DNAH6: variants seen among roughly 807,000 people sequenced by gnomAD.
The protein encoded by DNAH6 is dynein axonemal heavy chain 6, also known as axonemal beta dynein heavy chain 6.
A neutral mutation model predicts 491.4 loss-of-function variants in DNAH6; 340 were observed. The ratio of observed to expected loss-of-function variants is 0.69; its 90% CI spans 0.63 to 0.76. The LOEUF is 0.76. Among genes scored for constraint, DNAH6 ranks in the 30% least tolerant of loss-of-function variants. DNAH6 has a pLI of 0.00. For missense variants in DNAH6, 4,443 were observed against 4,972.2 expected (o/e 0.89, Z 3.20); for synonymous variants, 1,603 against 1,686.1 (o/e 0.95, Z 1.21).
intron 62 of DNAH6, among the ~76,000 whole-genome samples, chr2:84,739,281 A>G (rs537410671): frequency 6.6e-6 from 1 of 152,170 alleles, no homozygotes; most frequent in East Asian, 1.9e-4. Flanking sequence ...TTTCACGTGG[A>G]CTTGGGTTAG....
At chr2:84,602,450 T>A (rs1308607008) in intron 18 of DNAH6, among the ~76,000 whole-genome samples, 1 of 151,306 alleles carries the variant, frequency 6.6e-6, no homozygotes, top group Non-Finnish European at 1.5e-5. Context: ...GCTGTAGTTT[T>A]AAATTCTCAT....
chr2:84,561,368 A>C (rs1680653174), intron 11 of DNAH6, among the ~76,000 whole-genome samples: 1 of 152,174 alleles, frequency 6.6e-6, no homozygotes. Context: ...CCTTCCTTAC[A>C]CCTTATACAA....
At chr2:84,525,868 A>C in intron 3 of DNAH6, 130 bp downstream of exon 3, 1 of 696,446 alleles carries the variant, frequency 1.4e-6, no homozygotes, top group Non-Finnish European at 2.3e-6. Flanking sequence ...GAGTTTGGGA[A>C]ATATAACATT....
intron 59 of DNAH6, among the ~76,000 whole-genome samples, chr2:84,721,061 G>A (rs1047761024): frequency 6.6e-6 from 1 of 152,096 alleles, no homozygotes; most frequent in African/African-American, 2.4e-5. Flanking sequence ...AAGCCTGTAG[G>A]GCATAATGTC....
intron 31 of DNAH6, among the ~76,000 whole-genome samples, chr2:84,638,153 T>A (rs1404737344): frequency 1.3e-5 from 2 of 152,092 alleles, no homozygotes; most frequent in African/African-American, 4.8e-5. Context: ...AATAGTTTTT[T>A]AAAAAGAATT....
chr2:84,716,180 C>T (rs1697520617), intron 58 of DNAH6, among the ~76,000 whole-genome samples: 1 of 149,178 alleles, frequency 6.7e-6, no homozygotes, highest in African/African-American at 2.5e-5. Flanking sequence ...TATATGTATG[C>T]CCTTTCTTAG....
chr2:84,553,626 C>CTTTTT (rs1171839363), intron 10 of DNAH6, among the ~76,000 whole-genome samples: 2 of 42,328 alleles, frequency 4.7e-5, no homozygotes, highest in East Asian at 1.1e-3. Flanking sequence ...CCAGGACTGG[C>CTTTTT]TATTTTTTTT....
chr2:84,785,141 A>G (rs910097780), intron 66 of DNAH6, among the ~76,000 whole-genome samples: 2 of 152,204 alleles, frequency 1.3e-5, no homozygotes, highest in Admixed American at 6.5e-5. Flanking sequence ...TACAAGCCAT[A>G]CTAGTATGGC....
chr2:84,558,016 T>C, intron 11 of DNAH6, 81 bp downstream of exon 11: 1 of 940,552 alleles, frequency 1.1e-6, no homozygotes, highest in South Asian at 2.2e-5. Context: ...TTCTTTCTTA[T>C]CTTTAAATGT....
chr2:84,587,980 T>C (rs1683735054), intron 15 of DNAH6, among the ~76,000 whole-genome samples: 1 of 152,218 alleles, frequency 6.6e-6, no homozygotes, highest in Admixed American at 6.5e-5. Context: ...ATTTCTTCCA[T>C]AGCCTACAAT....
At chr2:84,459,606 G>A in the DNAH6 span, 1 of 273,344 alleles carries the variant, frequency 3.7e-6, no homozygotes, top group Non-Finnish European at 7.2e-6. Flanking sequence ...AAGGGAGCGA[G>A]GGAAGAGCGG....
At chr2:84,479,661 G>T in the DNAH6 span, among the ~76,000 whole-genome samples, 3 of 152,170 alleles carry the variant, frequency 2.0e-5, no homozygotes, top group African/African-American at 7.2e-5. Flanking sequence ...TAGTGGGAAG[G>T]GAACCATAAA....
chr2:84,805,647 C>T lies in DNAH6; in HGVS notation c.11482-18C>T, dbSNP rs564830777. 1.3e-6 allele frequency: 2 copies of T among 1,537,940 alleles called. No homozygotes were observed. The highest frequency in any genetic ancestry group is 1.2e-5 in the South Asian group (1 of 80,404). On this transcript the variant is annotated intron_variant, in intron 70 of 76. Coordinates refer to ENST00000389394, the MANE Select transcript of DNAH6 (RefSeq NM_001370.2). ...AGAATTTGAGTCTTCACTGTTCTGT[C>T]TCTTATTGCCATTACAGTACAAAGA...
At chr2:84,511,538 C>T (rs1311948162), upstream of DNAH6, among the ~76,000 whole-genome samples, 1 of 152,274 alleles carries the variant, frequency 6.6e-6, no homozygotes, top group East Asian at 1.9e-4. Flanking sequence ...GGCGATGCCT[C>T]GCCCTGCTTC....
At chr2:84,513,160 T>A (rs1231321569), upstream of DNAH6, among the ~76,000 whole-genome samples, 2 of 152,158 alleles carry the variant, frequency 1.3e-5, no homozygotes, top group African/African-American at 2.4e-5. Context: ...ACAATTAACA[T>A]CTTAATTTAT....
At chr2:84,669,856 G>A (rs1692546868) in intron 38 of DNAH6, among the ~76,000 whole-genome samples, 1 of 152,310 alleles carries the variant, frequency 6.6e-6, no homozygotes, top group South Asian at 2.1e-4. Flanking sequence ...AGTTGATAGA[G>A]ATCAGCTCAT....
chr2:84,817,377 A>G (rs1680594769), intron 76 of DNAH6, among the ~76,000 whole-genome samples: 1 of 152,248 alleles, frequency 6.6e-6, no homozygotes, highest in Non-Finnish European at 1.5e-5. Context: ...AATTCAAAAC[A>G]CAACCAAACC....
chr2:84,783,682 G>C (rs532588145), intron 65 of DNAH6, among the ~76,000 whole-genome samples: 1 of 152,266 alleles, frequency 6.6e-6, no homozygotes, highest in South Asian at 2.1e-4. Flanking sequence ...ACCATGTATT[G>C]TTCTAGGATA....
In DNAH6 at chr2:84,785,615, C is replaced by G. The variant is rs959838038; in HGVS notation, c.10959C>G (p.Thr3653=). 2.6e-6 allele frequency: 4 copies of G among 1,531,452 alleles called. No individual in the cohort carries two copies. In the Admixed American group the frequency reaches 8.8e-5, roughly 34 times the overall value. The allele number at this position is 1,531,452 out of a possible 1,614,324, so 94.9% of individuals were successfully genotyped here. The change falls in exon 67 of 77, where the codon ACC becomes ACG. Residue 3653 remains threonine, a synonymous_variant. Coordinates refer to ENST00000389394, the MANE Select transcript of DNAH6 (RefSeq NM_001370.2). Reference sequence around the variant, plus strand: ...TATATTCTATCTAAATCCAGGTGACCAATGAGCCTCCAAAAGGCTTACGTG... The same window carrying G: ...TATATTCTATCTAAATCCAGGTGACGAATGAGCCTCCAAAAGGCTTACGTG... The part of the protein sequence containing the change: ...VTVLQNSVKV[T]NEPPKGLRAN...
Sources: allele counts gnomAD v4.1 joint callset (sites outside exome capture counted in the v4.1 genomes callset), GRCh38; gene constraint gnomAD v4.1.1; transcripts MANE v1.5; gene names NCBI Gene and HGNC (gene_info 2026-07-23, HGNC 2026-07-21).